The following CNOT1 variants were observed in gnomAD, a reference collection of about 807,000 sequenced individuals.
The protein encoded by CNOT1 is CCR4-NOT transcription complex subunit 1.
CNOT1 carries 15 observed loss-of-function variants against 273.8 expected under a neutral mutation model. The ratio of observed to expected loss-of-function variants is 0.05; its 90% confidence interval spans 0.04 to 0.08. The LOEUF is 0.08. Among genes scored for constraint, CNOT1 ranks in the 10% least tolerant of loss-of-function variants. The pLI, the probability that CNOT1 is intolerant of heterozygous loss-of-function variation, is 1.00. For synonymous variants in CNOT1, 1,022 were observed against 1,005.5 expected (o/e 1.02, Z -0.31); for missense variants, 1,644 against 2,912.2 (o/e 0.56, Z 10.02).
chr16:58,591,815 T>C (rs2042066198), intron 2 of CNOT1, among the ~76,000 whole-genome samples: 1 of 152,114 alleles, frequency 6.6e-6, no homozygotes, highest in South Asian at 2.1e-4. Flanking sequence ...ATAGGTTTGA[T>C]ACACTCTAAG....
chr16:58,585,583 TCAAACC>T (rs1339555204), intron 7 of CNOT1, 77 bp from the exon 8 acceptor site: 1 of 1,518,154 alleles, frequency 6.6e-7, no homozygotes, highest in Non-Finnish European at 8.8e-7. Flanking sequence ...CAAAATCCCC[TCAAACC>T]CAATTCTCTC....
intron 1 of CNOT1, among the ~76,000 whole-genome samples, chr16:58,628,804 C>A (rs1247456657): frequency 1.3e-5 from 2 of 152,218 alleles, no homozygotes; most frequent in East Asian, 3.8e-4. Context: ...AGATGTCAAG[C>A]ATTCTTTTTT....
intron 35 of CNOT1, 143 bp downstream of exon 35, chr16:58,539,624 GA>G (rs35234309): frequency 0.018 from 11,681 of 663,352 alleles, 3 homozygotes; most frequent in Non-Finnish European, 0.02. Flanking sequence ...TTCTACGTTG[GA>G]AAAAAAAAAA....
At chr16:58,554,904 C>G (rs2040578125) in intron 21 of CNOT1, among the ~76,000 whole-genome samples, 1 of 115,966 alleles carries the variant, frequency 8.6e-6, no homozygotes, top group Non-Finnish European at 1.6e-5. Context: ...CCACTGCACT[C>G]TAGCCTGGGG....
intron 28 of CNOT1, 60 bp from the exon 29 acceptor site, chr16:58,546,558 T>C (rs930484781): frequency 8.1e-6 from 13 of 1,603,434 alleles, no homozygotes; most frequent in Non-Finnish European, 1.0e-5. Flanking sequence ...TTACTCATAA[T>C]ATACTCTACT....
chr16:58,557,023 T>A, intron 18 of CNOT1, 30 bp from the exon 19 acceptor site: 5 of 1,606,208 alleles, frequency 3.1e-6, no homozygotes, highest in Non-Finnish European at 4.2e-6. Context: ...CCACAAATCC[T>A]ATCATTATTC....
chr16:58,610,511 C>G (rs2042857131), intron 1 of CNOT1, among the ~76,000 whole-genome samples: 1 of 152,042 alleles, frequency 6.6e-6, no homozygotes, highest in Admixed American at 6.6e-5. Flanking sequence ...CGAAATCATC[C>G]TCACTAACAT....
intron 18 of CNOT1, among the ~76,000 whole-genome samples, chr16:58,557,463 C>T (rs1228485472): frequency 1.3e-5 from 2 of 152,024 alleles, no homozygotes; most frequent in Admixed American, 6.6e-5. Context: ...AGTTCAGTGA[C>T]GTTTATTTAA....
chr16:58,608,856 A>T (rs2042786060), intron 1 of CNOT1, among the ~76,000 whole-genome samples: 1 of 152,220 alleles, frequency 6.6e-6, no homozygotes, highest in Non-Finnish European at 1.5e-5. Flanking sequence ...AAGCAAAGTC[A>T]ATCAGGAATG....
chr16:58,603,056 C>T (rs994511203), intron 1 of CNOT1, among the ~76,000 whole-genome samples: 1 of 152,136 alleles, frequency 6.6e-6, no homozygotes, highest in Non-Finnish European at 1.5e-5. Context: ...ATTATTTTGG[C>T]TCCGCCTATA....
intron 13 of CNOT1, among the ~76,000 whole-genome samples, chr16:58,578,154 T>C (rs779768038): frequency 7.2e-5 from 11 of 152,170 alleles, no homozygotes; most frequent in Non-Finnish European, 1.5e-4. Flanking sequence ...TTTCTTAATA[T>C]TGAAATTATT....
chr16:58,585,752 C>T lies in CNOT1; in HGVS notation c.638-246G>A, dbSNP rs186376073. ...ACATTTGACACTGGCATTCCATCTA[C>T]TGACCAATTCGTACCCTAAATATTA... On this transcript the variant is annotated intron_variant, in intron 7 of 48. Coordinates refer to ENST00000317147, the MANE Select transcript of CNOT1 (RefSeq NM_016284.5). 1.2e-3 allele frequency among the ~76,000 whole-genome samples: 187 copies of T among 152,304 alleles called. 2 individuals are homozygous for T. The highest frequency in any genetic ancestry group is 1.5e-3 in the Non-Finnish European group (100 of 68,032).
At chr16:58,617,188 TCAACAAATAAATACATAAACAAG>T (rs957284682) in intron 1 of CNOT1, among the ~76,000 whole-genome samples, 1 of 151,718 alleles carries the variant, frequency 6.6e-6, no homozygotes, top group Non-Finnish European at 1.5e-5. Context: ...TGAGACCATC[TCAACAAATAAATACATAAACAAG>T]CAAGCAGGGC....
rs754865180 is a variant in CNOT1, at chr16:58,553,842, C to T, written c.2910G>A (p.Gln970=). ...TGATAGAAGCCAAATGCTGACAATA[C>T]TGGGGATAGTCCTTCAATCTGCCAA... ...RFKNRLKDYP[Q]YCQHLASISH... The change falls in exon 22 of 49, where the codon CAG becomes CAA. Residue 970 remains glutamine, a synonymous_variant. Coordinates refer to ENST00000317147, the MANE Select transcript of CNOT1 (RefSeq NM_016284.5). 3 of 1,610,364 alleles carry T rather than the reference C, an allele frequency of 1.9e-6. No homozygotes were observed. Among genetic ancestry groups the T allele is most frequent in the Non-Finnish European group, 2.5e-6 (3 of 1,179,082 alleles).
At chr16:58,578,553 T>G in intron 13 of CNOT1, 146 bp downstream of exon 13, 2 of 1,349,146 alleles carry the variant, frequency 1.5e-6, no homozygotes, top group Non-Finnish European at 1.9e-6. Flanking sequence ...TTCTAAAAGA[T>G]AAAACAAGTT....
chr16:58,556,257 TATC>T (rs753018043), intron 19 of CNOT1, among the ~76,000 whole-genome samples: 26 of 152,366 alleles, frequency 1.7e-4, no homozygotes, highest in African/African-American at 4.8e-4. Context: ...ATATAAGAAT[TATC>T]ATGCATGTGC....
intron 2 of CNOT1, among the ~76,000 whole-genome samples, chr16:58,593,965 C>A (rs185455109): frequency 6.6e-6 from 1 of 152,292 alleles, no homozygotes; most frequent in African/African-American, 2.4e-5. Context: ...AAAGGCAAGG[C>A]CAGGCATGGT....
At position 58,532,399 on chromosome 16, in the gene CNOT1, C is replaced by A. The variant is rs189289191; in HGVS notation, c.5896-4G>T. ...CTCCCACTACTATACCAAGGACCTACGTAAAACACAAATCAGAGCTTGTAA... is the reference window on the plus strand; with the variant it reads ...CTCCCACTACTATACCAAGGACCTAAGTAAAACACAAATCAGAGCTTGTAA... On this transcript the variant is annotated splice_region_variant and splice_polypyrimidine_tract_variant and intron_variant, in intron 40 of 48. Coordinates refer to ENST00000317147, the MANE Select transcript of CNOT1 (RefSeq NM_016284.5). 4.3e-5 allele frequency: 69 copies of A among 1,611,026 alleles called. No individual in the cohort carries two copies. In the African/African-American group the frequency reaches 6.8e-4, roughly 16 times the overall value.
intron 25 of CNOT1, 134 bp downstream of exon 25, chr16:58,549,585 A>C (rs944813467): frequency 6.5e-6 from 9 of 1,376,344 alleles, no homozygotes; most frequent in East Asian, 2.6e-5. Context: ...TATAAGAAAC[A>C]AAATCTACAG....
Sources: gnomAD v4.1 joint callset for allele counts (sites outside exome capture counted in the v4.1 genomes callset) on GRCh38, gnomAD v4.1.1 for gene constraint, MANE v1.5 for transcripts, NCBI Gene and HGNC (gene_info 2026-07-23, HGNC 2026-07-21) for gene names.